DUSP9: variants seen among roughly 807,000 people sequenced by gnomAD.
The protein encoded by DUSP9 is dual specificity phosphatase 9.
In DUSP9, 4 loss-of-function variants were observed where a neutral mutation model predicts 13.2. The observed-to-expected ratio is 0.30, with a 90% confidence interval of 0.15 to 0.69. The LOEUF (loss-of-function observed/expected upper bound fraction) is 0.69, where lower values mean the gene tolerates loss of function less well. DUSP9 is among the 30% of genes least tolerant of loss of function. The probability of loss-of-function intolerance (pLI) is 0.73; values close to 1 mark genes in which losing one functional copy is unlikely to be tolerated. For synonymous variants in DUSP9, 166 were observed against 172.3 expected, an observed-to-expected ratio of 0.96 and a Z score of 0.29; for missense variants, 263 against 355.0, an observed-to-expected ratio of 0.74 and a Z score of 2.08.
chrX:153,648,335 C>T lies in DUSP9; in HGVS notation c.373+9C>T, dbSNP rs782457293. 6.3e-6 allele frequency: 7 copies of T among 1,109,219 alleles called. No homozygotes were observed. The South Asian group carries it at 6.4e-5, about 10-fold the overall frequency. 91.4% of individuals were successfully genotyped at this position (1,109,219 alleles called of 1,213,427 possible). On this transcript the variant is annotated intron_variant, in intron 2 of 3. Transcript: ENST00000342782. ...GGCCTACTACCTCCAGGGTAGGTGCCGCGGGGCCCTCCTTCCAGGGGGTTC... is the reference window on the plus strand; with the variant it reads ...GGCCTACTACCTCCAGGGTAGGTGCTGCGGGGCCCTCCTTCCAGGGGGTTC...
rs781929849 is a variant in DUSP9 at position 153,649,537 on chromosome X, A to G, written c.679A>G (p.Lys227Glu). Residue 227 changes from lysine (K) to glutamate (E), a missense_variant, in exon 3 of 4, where the codon AAA becomes GAA. By Grantham distance (56) the Lys-to-Glu change is moderately conservative. Coordinates refer to ENST00000342782, the MANE Select transcript of DUSP9 (RefSeq NM_001318503.2). ...TTCCGCCAATTTGGAGAGCCTGGCCAAACTGGGCATCCGCTACATCCTCAA... is the reference window on the plus strand; with the variant it reads ...TTCCGCCAATTTGGAGAGCCTGGCCGAACTGGGCATCCGCTACATCCTCAA... ...RDSANLESLA[K>E]LGIRYILNVT... The G allele has an allele frequency of 1.1e-5, 13 of 1,212,141 alleles. No homozygotes were observed. In the East Asian group the frequency reaches 3.8e-4, roughly 36 times the overall value.
At chrX:153,643,977 G>T (rs1356979747), upstream of DUSP9, among the ~76,000 whole-genome samples, 2 of 112,381 alleles carry the variant, frequency 1.8e-5, no homozygotes, top group Non-Finnish European at 3.8e-5. Context: ...CGAGGAGACC[G>T]ACCAGGAAAA....
upstream of DUSP9, chrX:153,643,659 G>A: frequency 3.6e-6 from 1 of 277,521 alleles, no homozygotes; most frequent in Non-Finnish European, 7.0e-6. Flanking sequence ...GCACGTAGTA[G>A]GTGGGTTCCA....
In DUSP9 at chrX:153,650,585, C is replaced by T. The variant is rs192098207; in HGVS notation, c.*280C>T. The stretch of plus-strand genomic sequence containing the variant: ...CAGGCCCAGGTCCCGGCCCTGGGTG[C>T]TCAGCCAGCTCGGCTAGGCCCTGCG... On this transcript the variant is annotated 3_prime_UTR_variant, in exon 4 of 4. Coordinates refer to ENST00000342782, the MANE Select transcript of DUSP9 (RefSeq NM_001318503.2). 2.0e-3 allele frequency: 683 copies of T among 340,073 alleles called. 5 individuals carry two copies. Among genetic ancestry groups the T allele is most frequent in the African/African-American group, 0.016 (598 of 38,214 alleles). The allele number at this position is 340,073 out of a possible 1,213,427, so 28.0% of individuals were successfully genotyped here.
Position 153,648,015 on chromosome X carries a change from G to A in DUSP9, c.62G>A (p.Arg21Gln). 1 of 1,104,495 alleles carries A rather than the reference G, an allele frequency of 9.1e-7. No individual in the cohort carries two copies. Among genetic ancestry groups the A allele is most frequent in the Non-Finnish European group, 1.2e-6 (1 of 850,041 alleles). The allele number at this position is 1,104,495 out of a possible 1,213,427, so 91.0% of individuals were successfully genotyped here. A position where few individuals can be genotyped will look rare whatever the true frequency, so the allele number is the denominator to read the frequency against. ...LRRELSPPRP[R>Q]LLLLDCRSRE... ...CGGGAGCTGTCGCCCCCGCGGCCGC[G>A]GCTCCTGCTCCTGGACTGCCGCAGC... The change falls in exon 2 of 4, where the codon CGG becomes CAG. Residue 21 changes from arginine to glutamine, a missense_variant. Arg to Gln is a conservative substitution (Grantham distance 43). Transcript: ENST00000342782.
chrX:153,647,828 G>T, intron 1 of DUSP9, 91 bp from the exon 2 acceptor site: 4 of 799,508 alleles, frequency 5.0e-6, no homozygotes, highest in Non-Finnish European at 6.4e-6. Context: ...GGGGGACCCT[G>T]GGCTCCCGCC....
Position 153,648,183 on chromosome X carries a change from C to T in DUSP9, c.230C>T (p.Pro77Leu). 9.7e-7 allele frequency: 1 copy of T among 1,029,116 alleles called. No individual in the cohort carries two copies. The highest frequency in any genetic ancestry group is 1.2e-6 in the Non-Finnish European group (1 of 814,899). The allele number at this position is 1,029,116 out of a possible 1,213,427, so 84.8% of individuals were successfully genotyped here. Residue 77 changes from proline to leucine, a missense_variant, in exon 2 of 4, where the codon CCC (proline) becomes CTC (leucine). Physicochemically the swap from Pro to Leu is moderately conservative, Grantham distance 98. Transcript: ENST00000342782. ...CCGCTGCAGCCGCCCCCGCCTGCCC[C>T]CGTGCTCCTGTACGACCAGGGCGGG... ...GPPLQPPPPA[P>L]VLLYDQGGGR...
In DUSP9 at chrX:153,647,922, C is replaced by T; in HGVS notation, c.-32C>T. The T allele has an allele frequency of 9.9e-7, 1 of 1,008,057 alleles. No individual in the cohort carries two copies. 83.1% of individuals were successfully genotyped at this position (1,008,057 alleles called of 1,213,427 possible). A position where few individuals can be genotyped will look rare whatever the true frequency, so the allele number is the denominator to read the frequency against. On this transcript the variant is annotated 5_prime_UTR_variant, in exon 2 of 4. Transcript: ENST00000342782. ...CGCGCCTTCTCTCTCTTCGCAGCGC[C>T]CGTGGTCCAGCGTGTAGGGAGCCGA...
intron 2 of DUSP9, 94 bp from the exon 3 acceptor site, chrX:153,649,138 C>G (rs2091201349): frequency 2.3e-6 from 2 of 886,553 alleles, no homozygotes; most frequent in Admixed American, 4.9e-5. Flanking sequence ...TGCAAACCCT[C>G]CAAGTTGTCC....
Position 153,651,190 on chromosome X carries a change from G to C in DUSP9, c.*885G>C. ...AGCCCACTGATGCACCCAGCCCAGG[G>C]CTGGCAGTCTTTGCAGCGTGGGGCC... On this transcript the variant is annotated 3_prime_UTR_variant, in exon 4 of 4. Transcript: ENST00000342782. The C allele has an allele frequency of 8.8e-6, 1 of 113,016 alleles. No homozygotes were observed. The highest frequency in any genetic ancestry group is 3.6e-4 in the South Asian group (1 of 2,782). The allele number at this position is 113,016 out of a possible 1,213,427, so 9.3% of individuals were successfully genotyped here. A position where few individuals can be genotyped will look rare whatever the true frequency, so the allele number is the denominator to read the frequency against.
At chrX:153,646,462 A>G (rs1407000370), upstream of DUSP9, among the ~76,000 whole-genome samples, 2 of 112,105 alleles carry the variant, frequency 1.8e-5, no homozygotes, top group Non-Finnish European at 3.8e-5. Flanking sequence ...GGCAAGGGAC[A>G]GGGGAGAGAG....
rs189027193 is a variant in DUSP9, at chrX:153,651,309, G to A, written c.*1004G>A. 8.9e-6 allele frequency: 1 copy of A among 112,400 alleles called. No homozygotes were observed. Among genetic ancestry groups the A allele is most frequent in the African/African-American group, 3.2e-5 (1 of 30,957 alleles). The allele number at this position is 112,400 out of a possible 1,213,427, so 9.3% of individuals were successfully genotyped here. On this transcript the variant is annotated 3_prime_UTR_variant, in exon 4 of 4. Transcript: ENST00000342782. ...TTTAATTGTTCCTTCTGAATAAACA[G>A]TTTATTTAAGATACTGAGTAGAGAG...
intron 3 of DUSP9, 95 bp downstream of exon 3, chrX:153,649,782 C>T (rs1557036189): frequency 1.1e-6 from 1 of 923,758 alleles, no homozygotes; most frequent in African/African-American, 2.0e-5. Flanking sequence ...CGCTGCCATT[C>T]CCAGAGCCAA....
In DUSP9 at chrX:153,647,267, G is replaced by A. The variant is rs1450935819; in HGVS notation, c.-194G>A. On this transcript the variant is annotated 5_prime_UTR_variant, in exon 1 of 4. Transcript: ENST00000342782. ...GCGCGGGCTGCGCGGGCTGCGCGGGGCTCGGCTTCCACGTGCGAGCCTGCA... is the reference window on the plus strand; with the variant it reads ...GCGCGGGCTGCGCGGGCTGCGCGGGACTCGGCTTCCACGTGCGAGCCTGCA... 4.4e-5 allele frequency: 5 copies of A among 112,817 alleles called. No homozygotes were observed. The highest frequency in any genetic ancestry group is 1.3e-4 in the African/African-American group (4 of 31,181). The allele number at this position is 112,817 out of a possible 1,213,427, so 9.3% of individuals were successfully genotyped here. A position where few individuals can be genotyped will look rare whatever the true frequency, so the allele number is the denominator to read the frequency against.
chrX:153,649,315 G>T lies in DUSP9; in HGVS notation c.457G>T (p.Val153Leu), dbSNP rs17855054. The change falls in exon 3 of 4, where the codon GTG (valine) becomes TTG (leucine). Residue 153 changes from valine (V) to leucine (L), a missense_variant. Physicochemically the swap from Val to Leu is conservative, Grantham distance 32 (BLOSUM62 1). Coordinates refer to ENST00000342782, the MANE Select transcript of DUSP9 (RefSeq NM_001318503.2). The part of the protein sequence containing the change: ...AGRAGSSMAP[V>L]PGPVPVVGLG... ...CCGTGCCGGCTCCAGCATGGCGCCG[G>T]TGCCCGGTCCAGTGCCCGTGGTGGG... 4.1e-6 allele frequency: 5 copies of T among 1,210,826 alleles called. No homozygotes were observed. The highest frequency in any genetic ancestry group is 5.6e-6 in the Non-Finnish European group (5 of 895,504).
chrX:153,644,412 C>T (rs1368344521), upstream of DUSP9, among the ~76,000 whole-genome samples: 1 of 107,219 alleles, frequency 9.3e-6, no homozygotes, highest in African/African-American at 3.4e-5. Flanking sequence ...GGCGCGGCCT[C>T]CCCCAGCACA....
chrX:153,647,853 C>G (rs1241673403), intron 1 of DUSP9, 66 bp from the exon 2 acceptor site: 3 of 897,513 alleles, frequency 3.3e-6, no homozygotes, highest in Non-Finnish European at 4.2e-6. Flanking sequence ...GGACGCGGGG[C>G]CGGCTTCAAG....
At chrX:153,644,387 G>A (rs1415382771), upstream of DUSP9, among the ~76,000 whole-genome samples, 27 of 105,531 alleles carry the variant, frequency 2.6e-4, no homozygotes, top group African/African-American at 8.1e-4. Context: ...GGGGCCAGAC[G>A]AGGCCCGGGC....
At chrX:153,646,547 G>T (rs1603186017), upstream of DUSP9, among the ~76,000 whole-genome samples, 3 of 111,759 alleles carry the variant, frequency 2.7e-5, no homozygotes, top group Admixed American at 2.8e-4. Context: ...TTAAGGGAAG[G>T]AGGCAGAGGG....
Sources: gnomAD v4.1 joint callset for allele counts (sites outside exome capture counted in the v4.1 genomes callset) on GRCh38, gnomAD v4.1.1 for gene constraint, MANE v1.5 for transcripts, NCBI Gene and HGNC (gene_info 2026-07-23, HGNC 2026-07-21) for gene names.